The following FSTL4 variants were observed in gnomAD, a reference collection of about 807,000 sequenced individuals.
FSTL4 encodes follistatin-related protein 4.
A neutral mutation model predicts 78.2 loss-of-function variants in FSTL4; 28 were observed. The observed-to-expected ratio is 0.36, with a 90% CI of 0.27 to 0.49. The LOEUF (loss-of-function observed/expected upper bound fraction) is 0.49. Among genes scored for constraint, FSTL4 ranks in the 20% least tolerant of loss-of-function variants. FSTL4 has a pLI of 0.98. For missense variants in FSTL4, 922 were observed against 1,084.9 expected (o/e 0.85, Z 2.11); for synonymous variants, 422 against 440.5 (o/e 0.96, Z 0.53).
the FSTL4 span, among the ~76,000 whole-genome samples, chr5:133,634,403 T>C: frequency 1.3e-5 from 2 of 151,680 alleles, no homozygotes; most frequent in Admixed American, 6.6e-5. Flanking sequence ...TTTTTTTTTT[T>C]CCTCTGTACC....
At chr5:133,382,554 AT>A (rs1391530133) in intron 4 of FSTL4, among the ~76,000 whole-genome samples, 1 of 152,054 alleles carries the variant, frequency 6.6e-6, no homozygotes, top group Non-Finnish European at 1.5e-5. Context: ...TGTTTGGAAA[AT>A]TGGAGAGAGG....
chr5:133,340,919 C>A (rs1754565373), intron 4 of FSTL4, among the ~76,000 whole-genome samples: 1 of 151,890 alleles, frequency 6.6e-6, no homozygotes, highest in South Asian at 2.1e-4. Context: ...TAGAAGAGAG[C>A]CTCCTGAGAC....
At chr5:133,548,844 G>GA (rs1759634603) in intron 3 of FSTL4, among the ~76,000 whole-genome samples, 1 of 152,022 alleles carries the variant, frequency 6.6e-6, no homozygotes, top group Admixed American at 6.5e-5. Context: ...AAAAAGAAGG[G>GA]AAAAAACAGA....
intron 8 of FSTL4, among the ~76,000 whole-genome samples, chr5:133,227,954 C>T (rs1034384720): frequency 7.2e-5 from 11 of 152,198 alleles, no homozygotes; most frequent in East Asian, 1.9e-4. Context: ...AGGCCAGGTG[C>T]GGTGGCTCAT....
At chr5:133,504,269 A>T (rs957666551) in intron 3 of FSTL4, among the ~76,000 whole-genome samples, 1 of 152,144 alleles carries the variant, frequency 6.6e-6, no homozygotes, top group African/African-American at 2.4e-5. Flanking sequence ...AAAGGCAGGA[A>T]TCTAGGAAGT....
At chr5:133,670,835 AT>A in the FSTL4 span, among the ~76,000 whole-genome samples, 1 of 152,168 alleles carries the variant, frequency 6.6e-6, no homozygotes, top group Non-Finnish European at 1.5e-5. Flanking sequence ...GATGTGAATA[AT>A]TTTGATCAGA....
At position 133,249,550 on chromosome 5, in the gene FSTL4, C is replaced by CG; in HGVS notation, c.753dup (p.Glu252ArgfsTer48). On this transcript the variant is annotated frameshift_variant, in exon 7 of 16. Coordinates refer to ENST00000265342, the MANE Select transcript of FSTL4 (RefSeq NM_015082.2). LOFTEE classifies it high-confidence loss of function. ...ACTGTGGTCACACTGACCCTGTCCT[C>CG]GGGGGCGAGGCTGAGCTGAACCACT... 1.2e-6 allele frequency: 2 copies of CG among 1,613,050 alleles called. No homozygotes were observed.
At chr5:133,682,383 G>T in the FSTL4 span, among the ~76,000 whole-genome samples, 1 of 152,174 alleles carries the variant, frequency 6.6e-6, no homozygotes, top group Non-Finnish European at 1.5e-5. Flanking sequence ...TTTACTCCTC[G>T]AACGCAGGGA....
chr5:133,314,478 G>C (rs1753856943), intron 5 of FSTL4, among the ~76,000 whole-genome samples: 1 of 152,198 alleles, frequency 6.6e-6, no homozygotes, highest in Non-Finnish European at 1.5e-5. Flanking sequence ...GACTGGCTGG[G>C]ACGGAGGGCC....
intron 4 of FSTL4, among the ~76,000 whole-genome samples, chr5:133,359,621 G>A (rs1379338202): frequency 6.6e-6 from 1 of 152,200 alleles, no homozygotes; most frequent in Non-Finnish European, 1.5e-5. Context: ...AGTTACATGG[G>A]TGTGATGCCT....
rs550380906 is a variant in FSTL4 at position 133,428,655 on chromosome 5, C to T, written c.161-27669G>A. 1.3e-4 allele frequency among the ~76,000 whole-genome samples: 20 copies of T among 152,322 alleles called. No homozygotes were observed. In the South Asian group the frequency reaches 3.7e-3, roughly 28 times the overall value. On this transcript the variant is annotated intron_variant, in intron 3 of 15. Coordinates refer to ENST00000265342, the MANE Select transcript of FSTL4 (RefSeq NM_015082.2). ...CACAGCACAAGTGACTGCCCAGGTG[C>T]AGAGGTGCTGCATATAGGGGCTCCT...
chr5:133,351,564 T>C (rs1039294217), intron 4 of FSTL4, among the ~76,000 whole-genome samples: 1 of 152,158 alleles, frequency 6.6e-6, no homozygotes, highest in African/African-American at 2.4e-5. Flanking sequence ...TTCAGCTGTC[T>C]TCCAAATTTT....
chr5:133,323,896 T>C (rs1754140288), intron 4 of FSTL4, among the ~76,000 whole-genome samples: 4 of 152,280 alleles, frequency 2.6e-5, no homozygotes, highest in Admixed American at 2.6e-4. Flanking sequence ...TAAGTTGTTA[T>C]GACACCTCAT....
At chr5:133,627,503 T>A in the FSTL4 span, among the ~76,000 whole-genome samples, 1 of 152,232 alleles carries the variant, frequency 6.6e-6, no homozygotes, top group Non-Finnish European at 1.5e-5. Context: ...AGAGCTGCAA[T>A]TCAAGATGAG....
chr5:133,375,453 A>T (rs1243924878), intron 4 of FSTL4, among the ~76,000 whole-genome samples: 1 of 151,772 alleles, frequency 6.6e-6, no homozygotes, highest in Non-Finnish European at 1.5e-5. Context: ...TCAGAAAAAC[A>T]ACAATAAAAG....
chr5:133,563,250 C>A (rs1312778902), intron 3 of FSTL4, among the ~76,000 whole-genome samples: 1 of 152,276 alleles, frequency 6.6e-6, no homozygotes, highest in African/African-American at 2.4e-5. Flanking sequence ...ACCTTCAAGT[C>A]CCACAAATCT....
At chr5:133,701,511 C>CACACACA in the FSTL4 span, among the ~76,000 whole-genome samples, 3 of 63,566 alleles carry the variant, frequency 4.7e-5, no homozygotes, top group East Asian at 1.9e-3. Context: ...ACACACACAC[C>CACACACA]CCACAGGCCA....
At chr5:133,276,014 T>TTTATAATGTTTTATAA (rs1283150502) in intron 6 of FSTL4, 2 of 152,240 alleles carry the variant, frequency 1.3e-5, no homozygotes, top group East Asian at 3.8e-4. Flanking sequence ...ATTTATAAAT[T>TTTATAATGTTTTATAA]TGTTTTAGCT....
At chr5:133,278,351 C>T (rs1752934876) in intron 6 of FSTL4, among the ~76,000 whole-genome samples, 1 of 152,210 alleles carries the variant, frequency 6.6e-6, no homozygotes, top group Non-Finnish European at 1.5e-5. Flanking sequence ...TGCCACACCT[C>T]GGCTGCAGTC....
Sources: allele counts gnomAD v4.1 joint callset (sites outside exome capture counted in the v4.1 genomes callset), GRCh38; gene constraint gnomAD v4.1.1; transcripts MANE v1.5; gene names NCBI Gene and HGNC (gene_info 2026-07-23, HGNC 2026-07-21).